MRPL34: variants seen among roughly 807,000 people sequenced by gnomAD.
The protein encoded by MRPL34 is mitochondrial ribosomal protein L34, also known as large ribosomal subunit protein bL34m.
In MRPL34, 8 loss-of-function variants were observed where a neutral mutation model predicts 6.7. That is an observed-to-expected ratio of 1.20 (90% CI 0.70 to 2.16). The LOEUF (loss-of-function observed/expected upper bound fraction) is 2.16, where lower values mean the gene tolerates loss of function less well. Among genes scored for constraint, MRPL34 ranks in the 30% most tolerant of loss-of-function variants. MRPL34 has a pLI of 0.00. For missense variants in MRPL34, 146 were observed against 125.5 expected, an observed-to-expected ratio of 1.16 and a Z score of -0.78; for synonymous variants, 59 against 55.1, an observed-to-expected ratio of 1.07 and a Z score of -0.31.
At chr19:17,297,699 G>T (rs1599523744) in intron 1 of MRPL34, 1 of 150,842 alleles carries the variant, frequency 6.6e-6, no homozygotes, top group East Asian at 1.9e-4. Context: ...TCTCAGTCTA[G>T]ATTCCTTTCT....
At chr19:17,301,217 C>T (rs773620898), upstream of MRPL34, 4 of 1,596,830 alleles carry the variant, frequency 2.5e-6, no homozygotes, top group African/African-American at 4.0e-5. Context: ...CCTGCGCTGC[C>T]GGGGGCCAAG....
intron 1 of MRPL34, among the ~76,000 whole-genome samples, chr19:17,295,617 A>G (rs1287585553): frequency 6.7e-6 from 1 of 150,124 alleles, no homozygotes; most frequent in Non-Finnish European, 1.5e-5. Flanking sequence ...CATGTTGCTC[A>G]GGCTGGTCGA....
intron 1 of MRPL34, chr19:17,294,372 G>A (rs2074084189): frequency 1.9e-6 from 3 of 1,613,888 alleles, no homozygotes; most frequent in Non-Finnish European, 8.5e-7. Context: ...TGAGCTCGGC[G>A]TGGTAGACCT....
chr19:17,295,410 T>C (rs1451337547), intron 1 of MRPL34, among the ~76,000 whole-genome samples: 2 of 150,950 alleles, frequency 1.3e-5, no homozygotes, highest in Admixed American at 1.3e-4. Context: ...CCTGGCCTGG[T>C]TTGTTTTTGT....
chr19:17,292,604 TC>T, upstream of MRPL34: 2 of 1,524,010 alleles, frequency 1.3e-6, no homozygotes, highest in Non-Finnish European at 8.8e-7. Flanking sequence ...TGGCGCAGGC[TC>T]GGGCCTCCTC....
chr19:17,297,550 T>A (rs939797620), intron 1 of MRPL34, among the ~76,000 whole-genome samples: 3 of 152,100 alleles, frequency 2.0e-5, no homozygotes, highest in Admixed American at 6.6e-5. Flanking sequence ...TGCCTCGGCC[T>A]CCAAAAGTTC....
chr19:17,303,372 CCCCTGGCGGTCAGCGCA>C (rs2074130670), upstream of MRPL34: 1 of 152,278 alleles, frequency 6.6e-6, no homozygotes, highest in Non-Finnish European at 1.5e-5. Context: ...CGGGCACCTG[CCCCTGGCGGTCAGCGCA>C]GGGGCATCCC....
At chr19:17,297,286 GT>G (rs374440171) in intron 1 of MRPL34, among the ~76,000 whole-genome samples, 12 of 151,812 alleles carry the variant, frequency 7.9e-5, no homozygotes, top group East Asian at 5.8e-4. Context: ...GTAGGTGGGT[GT>G]TTTTTTTGTT....
chr19:17,299,242 C>CG (rs796827763), upstream of MRPL34, among the ~76,000 whole-genome samples: 329 of 147,044 alleles, frequency 2.2e-3, 3 homozygotes, highest in African/African-American at 7.1e-3. Context: ...AGACCCCCCC[C>CG]CCATTCTCTA....
At chr19:17,300,888 C>T, upstream of MRPL34, 3 of 1,600,706 alleles carry the variant, frequency 1.9e-6, no homozygotes, top group Non-Finnish European at 2.6e-6. Flanking sequence ...CATTTCGCTT[C>T]TTGGCATAGC....
chr19:17,305,983 C>G (rs1282109864), intron 1 of MRPL34, 26 bp downstream of exon 1: 1 of 1,613,404 alleles, frequency 6.2e-7, no homozygotes, highest in Non-Finnish European at 8.5e-7. Context: ...GACCCTTCCC[C>G]AAATCAGGGA....
upstream of MRPL34, among the ~76,000 whole-genome samples, chr19:17,300,202 ATTT>A (rs573118178): frequency 6.9e-6 from 1 of 145,696 alleles, no homozygotes; most frequent in African/African-American, 2.6e-5. Flanking sequence ...CCGCGCCCGG[ATTT>A]TTTTTTCTTT....
chr19:17,305,687 T>C (rs546104852), upstream of MRPL34: 11 of 625,746 alleles, frequency 1.8e-5, no homozygotes, highest in Admixed American at 7.7e-5. Flanking sequence ...TGTTGGTGTG[T>C]ATGCAGAGCA....
upstream of MRPL34, chr19:17,300,846 G>A: frequency 6.3e-7 from 1 of 1,576,860 alleles, no homozygotes; most frequent in Non-Finnish European, 8.6e-7. Flanking sequence ...ACATGCCAGG[G>A]TTCACTTACC....
intron 1 of MRPL34, 60 bp downstream of exon 1, chr19:17,306,017 C>A (rs1599529015): frequency 6.3e-7 from 1 of 1,594,846 alleles, no homozygotes; most frequent in Non-Finnish European, 8.6e-7. Context: ...CGGAGGCTGG[C>A]GCCACTCTTC....
chr19:17,300,447 T>C (rs1159709024), upstream of MRPL34, among the ~76,000 whole-genome samples: 4 of 151,698 alleles, frequency 2.6e-5, no homozygotes, highest in Non-Finnish European at 5.9e-5. Context: ...CCTCAAGATA[T>C]CCTCCCGCCT....
intron 1 of MRPL34, chr19:17,296,369 A>T (rs1386048713): frequency 1.3e-5 from 2 of 152,182 alleles, no homozygotes; most frequent in Non-Finnish European, 2.9e-5. Context: ...CAGATTCTTC[A>T]AGCCACCATG....
upstream of MRPL34, chr19:17,297,917 C>CTTTTTT (rs11299354): frequency 7.3e-6 from 1 of 136,170 alleles, no homozygotes; most frequent in Non-Finnish European, 1.6e-5. Context: ...TTTCTTTTTT[C>CTTTTTT]TTTTTTTTTT....
At chr19:17,305,399 C>T (rs549991734), upstream of MRPL34, among the ~76,000 whole-genome samples, 1 of 152,318 alleles carries the variant, frequency 6.6e-6, no homozygotes, top group African/African-American at 2.4e-5. Flanking sequence ...ACGCAGCGAG[C>T]TTGAACTCAG....
Sources: gnomAD v4.1 joint callset for allele counts (sites outside exome capture counted in the v4.1 genomes callset) on GRCh38, gnomAD v4.1.1 for gene constraint, MANE v1.5 for transcripts, NCBI Gene and HGNC (gene_info 2026-07-23, HGNC 2026-07-21) for gene names.